PPP2CA: variants seen among roughly 807,000 people sequenced by gnomAD.
PPP2CA encodes serine/threonine-protein phosphatase 2A catalytic subunit alpha isoform.
A neutral mutation model predicts 38.8 loss-of-function variants in PPP2CA; 5 were observed. The ratio of observed to expected loss-of-function variants is 0.13; its 90% CI spans 0.07 to 0.27. The LOEUF is 0.27. Ranked by LOEUF, PPP2CA falls within the 10% of genes least tolerant of loss-of-function variation. PPP2CA has a pLI of 1.00. For missense variants in PPP2CA, 88 were observed against 389.7 expected (o/e 0.23, Z 6.52); for synonymous variants, 152 against 134.0 (o/e 1.13, Z -0.93).
At position 134,197,549 on chromosome 5, in the gene PPP2CA, A is replaced by C; in HGVS notation, c.*223T>G. On this transcript the variant is annotated 3_prime_UTR_variant, in exon 7 of 7. Transcript: ENST00000481195. ...ATGCCAGAAACTGGTTTCTTGACCAACAATGTCGCTTCAGCATGCAATGAA... is the reference window on the plus strand; with the variant it reads ...ATGCCAGAAACTGGTTTCTTGACCACCAATGTCGCTTCAGCATGCAATGAA... 3.9e-6 allele frequency: 2 copies of C among 516,966 alleles called. No homozygotes were observed. The allele number at this position is 516,966 out of a possible 1,614,324, so 32.0% of individuals were successfully genotyped here.
chr5:134,209,551 G>T (rs556644399), intron 1 of PPP2CA, among the ~76,000 whole-genome samples: 1 of 152,056 alleles, frequency 6.6e-6, no homozygotes, highest in Non-Finnish European at 1.5e-5. Context: ...AGGCTGAGGC[G>T]AGTGGATCAC....
At chr5:134,222,134 A>C (rs116520663) in intron 1 of PPP2CA, among the ~76,000 whole-genome samples, 204 of 152,274 alleles carry the variant, frequency 1.3e-3, no homozygotes, top group African/African-American at 4.8e-3. Flanking sequence ...AGCCTTGGCA[A>C]TCTCACTTTT....
At chr5:134,201,102 CT>C in intron 3 of PPP2CA, 28 bp from the exon 4 acceptor site, 1 of 1,544,454 alleles carries the variant, frequency 6.5e-7, no homozygotes, top group East Asian at 2.2e-5. Context: ...AAAGGTTAAC[CT>C]CACCTAAAAA....
In PPP2CA at chr5:134,223,044, T is replaced by C. The variant is rs551619870; in HGVS notation, c.102+2716A>G. On this transcript the variant is annotated intron_variant, in intron 1 of 6. Coordinates refer to ENST00000481195, the MANE Select transcript of PPP2CA (RefSeq NM_002715.4). ...TTAGTAACAATGACCTCTTATGGTATACATCTATTTTTACTATTTAAATAT... is the reference window on the plus strand; with the variant it reads ...TTAGTAACAATGACCTCTTATGGTACACATCTATTTTTACTATTTAAATAT... 2.0e-5 allele frequency among the ~76,000 whole-genome samples: 3 copies of C among 152,362 alleles called. No individual in the cohort carries two copies. The South Asian group carries it at 6.2e-4, about 32-fold the overall frequency.
chr5:134,219,638 T>C (rs1252223342), intron 1 of PPP2CA, among the ~76,000 whole-genome samples: 1 of 152,200 alleles, frequency 6.6e-6, no homozygotes, highest in Non-Finnish European at 1.5e-5. Flanking sequence ...CACGCATCTG[T>C]GTCACTGCCT....
chr5:134,198,395 A>AAAAC (rs70976523), intron 6 of PPP2CA, among the ~76,000 whole-genome samples: 115,952 of 150,752 alleles, frequency 0.77, 45,075 homozygotes, highest in Non-Finnish European at 0.82. Flanking sequence ...TCCGTCTCAA[A>AAAAC]AAACAAACAA....
chr5:134,210,773 T>C (rs1762187691), intron 1 of PPP2CA, among the ~76,000 whole-genome samples: 1 of 152,108 alleles, frequency 6.6e-6, no homozygotes, highest in South Asian at 2.1e-4. Flanking sequence ...GCCAAGATCA[T>C]GTCACTGCAC....
At chr5:134,224,831 G>A (rs1276731062) in intron 1 of PPP2CA, among the ~76,000 whole-genome samples, 1 of 152,218 alleles carries the variant, frequency 6.6e-6, no homozygotes, top group African/African-American at 2.4e-5. Context: ...TAAACACTAA[G>A]CACAATGTCT....
rs370082451 is a variant in PPP2CA, at chr5:134,214,336, T to A, written c.103-8205A>T. On this transcript the variant is annotated intron_variant, in intron 1 of 6. Transcript: ENST00000481195. ...TTCATACTAACTCGTTTCTACATTA[T>A]AGTGATTTTTTAAAACTACATAATG... 7.2e-4 allele frequency among the ~76,000 whole-genome samples: 109 copies of A among 152,342 alleles called. 1 individual carries two copies. The highest frequency in any genetic ancestry group is 2.5e-3 in the African/African-American group (104 of 41,570).
intron 1 of PPP2CA, among the ~76,000 whole-genome samples, chr5:134,215,039 G>GA (rs35012686): frequency 0.76 from 111,285 of 147,032 alleles, 42,337 homozygotes; most frequent in Non-Finnish European, 0.8. Flanking sequence ...CTGCATCCAA[G>GA]AAAAAAAAAA....
intron 4 of PPP2CA, 88 bp downstream of exon 4, chr5:134,200,897 T>G: frequency 9.1e-7 from 1 of 1,102,598 alleles, no homozygotes; most frequent in Non-Finnish European, 1.4e-6. Context: ...GAGAATTATA[T>G]GAGAGAATAC....
intron 1 of PPP2CA, among the ~76,000 whole-genome samples, chr5:134,213,788 T>C (rs939426753): frequency 6.6e-6 from 1 of 151,936 alleles, no homozygotes; most frequent in African/African-American, 2.4e-5. Flanking sequence ...AATAAATAAA[T>C]AAAAGCACAA....
At chr5:134,216,601 A>G (rs1762325867) in intron 1 of PPP2CA, among the ~76,000 whole-genome samples, 1 of 151,904 alleles carries the variant, frequency 6.6e-6, no homozygotes, top group South Asian at 2.1e-4. Context: ...GAAGAACCCC[A>G]AGGTCTATAC....
At chr5:134,199,794 C>A (rs1011072852) in intron 5 of PPP2CA, among the ~76,000 whole-genome samples, 1 of 152,014 alleles carries the variant, frequency 6.6e-6, no homozygotes, top group Non-Finnish European at 1.5e-5. Context: ...TTCACAATTT[C>A]TTTACCTTTA....
At chr5:134,201,620 CCT>C (rs1022089026) in intron 3 of PPP2CA, among the ~76,000 whole-genome samples, 2 of 152,188 alleles carry the variant, frequency 1.3e-5, no homozygotes, top group African/African-American at 2.4e-5. Context: ...ATCACCCACC[CCT>C]GTGATCCCAC....
intron 1 of PPP2CA, among the ~76,000 whole-genome samples, chr5:134,220,850 G>A (rs969637906): frequency 5.9e-5 from 9 of 152,090 alleles, no homozygotes; most frequent in Non-Finnish European, 1.3e-4. Flanking sequence ...ACTCCTGAAG[G>A]GTCCTTCATT....
At chr5:134,216,716 C>G (rs770852675) in intron 1 of PPP2CA, among the ~76,000 whole-genome samples, 3 of 151,924 alleles carry the variant, frequency 2.0e-5, no homozygotes, top group African/African-American at 2.4e-5. Context: ...ATTGCCCAAG[C>G]TGGTCTCAAA....
rs1761835663 is a variant in PPP2CA, at chr5:134,195,746, A to G, written c.*2026T>C. On this transcript the variant is annotated 3_prime_UTR_variant, in exon 7 of 7. Coordinates refer to ENST00000481195, the MANE Select transcript of PPP2CA (RefSeq NM_002715.4). ...AGGGTACTAACACTTTCCAGTTTAGATGGCCAAAGCCCGGTCAGTCTCTAT... is the reference window on the plus strand; with the variant it reads ...AGGGTACTAACACTTTCCAGTTTAGGTGGCCAAAGCCCGGTCAGTCTCTAT... 6.6e-6 allele frequency: 1 copy of G among 152,220 alleles called. No homozygotes were observed. The highest frequency in any genetic ancestry group is 6.5e-5 in the Admixed American group (1 of 15,284). The allele number at this position is 152,220 out of a possible 1,614,324, so 9.4% of individuals were successfully genotyped here.
At chr5:134,202,322 A>C in intron 2 of PPP2CA, 1 of 257,818 alleles carries the variant, frequency 3.9e-6, no homozygotes, top group Middle Eastern at 1.2e-3. Flanking sequence ...TCACAAATTT[A>C]TAGTTATGCA....
Sources: gnomAD v4.1 joint callset for allele counts (sites outside exome capture counted in the v4.1 genomes callset) on GRCh38, gnomAD v4.1.1 for gene constraint, MANE v1.5 for transcripts, NCBI Gene and HGNC (gene_info 2026-07-23, HGNC 2026-07-21) for gene names.